MTBP: variants seen among roughly 807,000 people sequenced by gnomAD.
MTBP encodes MDM2 binding protein, also known as mdm2-binding protein.
In MTBP, 101 loss-of-function variants were observed where a neutral mutation model predicts 117.0. That is an observed-to-expected ratio of 0.86 (90% CI 0.73 to 1.02). MTBP has a LOEUF of 1.02. MTBP is among the 50% of genes least tolerant of loss of function. MTBP has a pLI of 0.00. For missense variants in MTBP, 970 were observed against 1,030.9 expected (o/e 0.94, Z 0.81); for synonymous variants, 350 against 351.5 (o/e 1.00, Z 0.05).
chr8:120,483,629 T>C (rs1259884831), intron 11 of MTBP, among the ~76,000 whole-genome samples: 1 of 152,164 alleles, frequency 6.6e-6, no homozygotes, highest in Admixed American at 6.5e-5. Flanking sequence ...ATAAGAATTT[T>C]TTTTGCTAAT....
At chr8:120,461,451 A>T (rs1467703026) in intron 9 of MTBP, among the ~76,000 whole-genome samples, 196 bp downstream of exon 9, 2 of 152,102 alleles carry the variant, frequency 1.3e-5, no homozygotes, top group African/African-American at 2.4e-5. Flanking sequence ...TTTTCCCACC[A>T]CCTGGATCCT....
Position 120,459,369 on chromosome 8 carries a change from TTG to T in MTBP, c.882+25_882+26del. ...CCAAAGGTAATCGTGTTTAATTTTT[TTG>T]TGTGATCATTCATGTGTATTTTTGT... On this transcript the variant is annotated intron_variant, in intron 8 of 21. Transcript: ENST00000305949. The T allele has an allele frequency of 6.3e-7, 1 of 1,585,280 alleles. No individual in the cohort carries two copies. Among genetic ancestry groups the T allele is most frequent in the Non-Finnish European group, 8.6e-7 (1 of 1,168,084 alleles).
At chr8:120,465,561 A>C (rs1813668152) in intron 10 of MTBP, among the ~76,000 whole-genome samples, 1 of 152,106 alleles carries the variant, frequency 6.6e-6, no homozygotes, top group Admixed American at 6.6e-5. Flanking sequence ...TTAAAAGTAT[A>C]AAGCGCTAGA....
chr8:120,471,692 T>C (rs1813819759), intron 11 of MTBP: 1 of 152,196 alleles, frequency 6.6e-6, no homozygotes, highest in East Asian at 1.9e-4. Context: ...ATTTTTGTAA[T>C]AACCCCATAT....
intron 13 of MTBP, among the ~76,000 whole-genome samples, chr8:120,495,967 C>G (rs1009860732): frequency 2.0e-5 from 3 of 152,076 alleles, no homozygotes; most frequent in Non-Finnish European, 4.4e-5. Context: ...ACTTCTCCCC[C>G]CCAACATTTG....
At chr8:120,455,034 A>G (rs994511045) in intron 5 of MTBP, among the ~76,000 whole-genome samples, 17 of 152,024 alleles carry the variant, frequency 1.1e-4, no homozygotes, top group African/African-American at 4.1e-4. Context: ...TTTGGATAAC[A>G]AAATTATGTT....
At chr8:120,514,194 A>G (rs993502739) in intron 17 of MTBP, among the ~76,000 whole-genome samples, 16 of 152,002 alleles carry the variant, frequency 1.1e-4, no homozygotes, top group South Asian at 6.2e-4. Flanking sequence ...ATCATCTCAC[A>G]TAGTTACCTC....
chr8:120,468,180 A>C (rs1465210620), intron 10 of MTBP, among the ~76,000 whole-genome samples: 4 of 152,162 alleles, frequency 2.6e-5, no homozygotes, highest in African/African-American at 4.8e-5. Context: ...CTAATTCTTA[A>C]CTACATAAAA....
intron 6 of MTBP, among the ~76,000 whole-genome samples, chr8:120,456,229 C>T: frequency 6.6e-6 from 1 of 152,066 alleles, no homozygotes; most frequent in Non-Finnish European, 1.5e-5. Context: ...GAGCAGTTCT[C>T]TTTTTGAAGA....
At chr8:120,510,486 A>C (rs904936913) in intron 17 of MTBP, among the ~76,000 whole-genome samples, 3 of 152,192 alleles carry the variant, frequency 2.0e-5, no homozygotes, top group African/African-American at 7.2e-5. Context: ...GGAGGATATC[A>C]ATAGGAAAAT....
chr8:120,502,824 G>A (rs1814613013), intron 15 of MTBP, among the ~76,000 whole-genome samples: 1 of 152,160 alleles, frequency 6.6e-6, no homozygotes, highest in African/African-American at 2.4e-5. Flanking sequence ...TACTTTCTAG[G>A]TCTGTGTCAT....
intron 1 of MTBP, among the ~76,000 whole-genome samples, chr8:120,445,852 T>C (rs887918759): frequency 6.6e-6 from 1 of 152,182 alleles, no homozygotes; most frequent in African/African-American, 2.4e-5. Context: ...GCCTTAGTAA[T>C]GGAATTTCCT....
chr8:120,449,995 TAAGA>T (rs1258607880), intron 2 of MTBP, among the ~76,000 whole-genome samples: 1 of 152,112 alleles, frequency 6.6e-6, no homozygotes, highest in Non-Finnish European at 1.5e-5. Flanking sequence ...GAGGAAGAGC[TAAGA>T]AAGTGAAGTG....
chr8:120,523,322 A>G lies in MTBP; in HGVS notation c.2701A>G (p.Thr901Ala). The change falls in exon 22 of 22, where the codon ACA becomes GCA. Residue 901 changes from threonine (T) to alanine (A), a missense_variant. Physicochemically the swap from Thr to Ala is moderately conservative, Grantham distance 58. Transcript: ENST00000305949. Reference sequence around the variant, plus strand: ...GGTGATTGACTGGGTATTAGAAAAGACAAGCAAGAAATGATACATAATCAT... The same window carrying G: ...GGTGATTGACTGGGTATTAGAAAAGGCAAGCAAGAAATGATACATAATCAT... Reference protein sequence around the residue: ...VQVIDWVLEKTSKK With the variant: ...VQVIDWVLEKASKK The G allele has an allele frequency of 6.4e-7, 1 of 1,555,584 alleles. No homozygotes were observed. The highest frequency in any genetic ancestry group is 8.7e-7 in the Non-Finnish European group (1 of 1,143,168).
At chr8:120,446,583 C>A in intron 2 of MTBP, 70 bp downstream of exon 2, 2 of 948,198 alleles carry the variant, frequency 2.1e-6, no homozygotes, top group Admixed American at 1.7e-5. Context: ...TTAATTTGGA[C>A]CCTAAGGAGT....
chr8:120,507,090 C>T (rs1814701682), intron 16 of MTBP, among the ~76,000 whole-genome samples: 1 of 152,014 alleles, frequency 6.6e-6, no homozygotes, highest in Admixed American at 6.6e-5. Context: ...AGCAAACTCA[C>T]CATATTCCCT....
chr8:120,462,333 C>T (rs1449032676), intron 9 of MTBP, among the ~76,000 whole-genome samples: 1 of 152,170 alleles, frequency 6.6e-6, no homozygotes, highest in Non-Finnish European at 1.5e-5. Context: ...GTAAAATCAA[C>T]ACGGTATTAT....
In MTBP at chr8:120,478,546, T is replaced by C. The variant is rs532862481; in HGVS notation, c.1165+7609T>C. Among the ~76,000 whole-genome samples the C allele has an allele frequency of 2.6e-5, 4 of 152,350 alleles. No individual in the cohort carries two copies. The South Asian group carries it at 8.3e-4, about 32-fold the overall frequency. On this transcript the variant is annotated intron_variant, in intron 11 of 21. Transcript: ENST00000305949. ...TAGAACTCTAAACTCCAATATTGCC[T>C]TATATTTTTAAAATTGGAATTCTTT...
At chr8:120,453,712 A>AGATCAAAT in intron 4 of MTBP, 135 bp from the exon 5 acceptor site, 1 of 403,208 alleles carries the variant, frequency 2.5e-6, no homozygotes, top group East Asian at 3.9e-5. Flanking sequence ...ATTGTCATAA[A>AGATCAAAT]GATCAAATGA....
Sources: gnomAD v4.1 joint callset for allele counts (sites outside exome capture counted in the v4.1 genomes callset) on GRCh38, gnomAD v4.1.1 for gene constraint, MANE v1.5 for transcripts, NCBI Gene and HGNC (gene_info 2026-07-23, HGNC 2026-07-21) for gene names.